RGS18: variants seen among roughly 807,000 people sequenced by gnomAD.
RGS18 encodes regulator of G protein signaling 18.
Under a neutral mutation model 27.6 loss-of-function variants are expected in RGS18, and 22 were observed. The observed-to-expected ratio is 0.80, with a 90% confidence interval of 0.57 to 1.14. RGS18 has a LOEUF of 1.14. RGS18 is among the 50% of genes most tolerant of loss of function. RGS18 has a pLI of 0.00. For missense variants in RGS18, 299 were observed against 269.6 expected (o/e 1.11, Z -0.76); for synonymous variants, 89 against 84.6 (o/e 1.05, Z -0.29).
chr1:192,183,763 G>C (rs561183005), intron 4 of RGS18, among the ~76,000 whole-genome samples: 44 of 151,688 alleles, frequency 2.9e-4, no homozygotes, highest in African/African-American at 1.1e-3. Flanking sequence ...GCCACAGAAA[G>C]AATAATGTTT....
intron 3 of RGS18, among the ~76,000 whole-genome samples, chr1:192,165,593 C>T (rs559709804): frequency 2.3e-4 from 35 of 152,302 alleles, no homozygotes; most frequent in Non-Finnish European, 5.1e-4. Context: ...TGCTCTTTCC[C>T]TTTATTTCTC....
At chr1:192,178,546 A>G (rs1656396829) in intron 3 of RGS18, among the ~76,000 whole-genome samples, 1 of 151,626 alleles carries the variant, frequency 6.6e-6, no homozygotes. Flanking sequence ...GCAATTCTCT[A>G]CCGTGCCTGC....
At chr1:192,177,312 G>A (rs1439355135) in intron 3 of RGS18, among the ~76,000 whole-genome samples, 1 of 148,366 alleles carries the variant, frequency 6.7e-6, no homozygotes, top group African/African-American at 2.5e-5. Context: ...CATATCTCTT[G>A]TAAATATGAT....
Position 192,179,410 on chromosome 1 carries a change from T to C in RGS18, c.284-1882T>C, listed in dbSNP as rs149337899. ...TATTTCCCTTCCCTCAACATTTCTATAGTGCAACTACCATACACCCAAGCA... is the reference window on the plus strand; with the variant it reads ...TATTTCCCTTCCCTCAACATTTCTACAGTGCAACTACCATACACCCAAGCA... On this transcript the variant is annotated intron_variant, in intron 3 of 4. Transcript: ENST00000367460. Among the ~76,000 whole-genome samples the C allele has an allele frequency of 8.2e-4, 124 of 151,740 alleles. 1 individual carries two copies. Among genetic ancestry groups the C allele is most frequent in the African/African-American group, 2.8e-3 (117 of 41,490 alleles).
Position 192,158,483 on chromosome 1 carries a change from C to T in RGS18, c.-155C>T. On this transcript the variant is annotated 5_prime_UTR_variant, in exon 1 of 5. Transcript: ENST00000367460. ...CCTCAGTTCTGCATTTCTGCAGAGACAGAAAGAAACGCAGCTCTTGACTTC... is the reference window on the plus strand; with the variant it reads ...CCTCAGTTCTGCATTTCTGCAGAGATAGAAAGAAACGCAGCTCTTGACTTC... 1.7e-6 allele frequency: 1 copy of T among 594,256 alleles called. No individual in the cohort carries two copies. The highest frequency in any genetic ancestry group is 2.5e-6 in the Non-Finnish European group (1 of 394,906). The allele number at this position is 594,256 out of a possible 1,614,324, so 36.8% of individuals were successfully genotyped here.
intron 3 of RGS18, chr1:192,163,709 C>T (rs940959817): frequency 6.6e-6 from 1 of 151,710 alleles, no homozygotes; most frequent in Non-Finnish European, 1.5e-5. Flanking sequence ...ACTCAATCTC[C>T]CCTAATCCAA....
rs535553976 is a variant in RGS18, at chr1:192,158,893, C to A, written c.119+137C>A. 3.8e-5 allele frequency: 25 copies of A among 656,444 alleles called. No individual in the cohort carries two copies. In the Admixed American group the frequency reaches 6.1e-4, roughly 16 times the overall value. The allele number at this position is 656,444 out of a possible 1,614,324, so 40.7% of individuals were successfully genotyped here. A position where few individuals can be genotyped will look rare whatever the true frequency, so the allele number is the denominator to read the frequency against. Reference sequence around the variant, plus strand: ...TGCTATAATTTGGGAAAAAAAAACACCTTTTTATTTCTTAGGTTTAAACAA... The same window carrying A: ...TGCTATAATTTGGGAAAAAAAAACAACTTTTTATTTCTTAGGTTTAAACAA... On this transcript the variant is annotated intron_variant, in intron 1 of 4. Coordinates refer to ENST00000367460, the MANE Select transcript of RGS18 (RefSeq NM_130782.3).
chr1:192,175,873 A>T (rs1656349855), intron 3 of RGS18, among the ~76,000 whole-genome samples: 1 of 151,928 alleles, frequency 6.6e-6, no homozygotes, highest in Non-Finnish European at 1.5e-5. Flanking sequence ...CAACTAGTTA[A>T]GCAAAGCAAC....
intron 3 of RGS18, chr1:192,160,697 A>T (rs1052325805): frequency 1.6e-4 from 61 of 382,104 alleles, no homozygotes; most frequent in Non-Finnish European, 2.4e-4. Flanking sequence ...CAGTTTTTAA[A>T]TTTTTCCGAT....
At chr1:192,160,219 T>G (rs1322860254) in intron 2 of RGS18, among the ~76,000 whole-genome samples, 159 bp from the exon 3 acceptor site, 5 of 152,224 alleles carry the variant, frequency 3.3e-5, no homozygotes, top group African/African-American at 1.2e-4. Flanking sequence ...GAACAATGTT[T>G]TCAAAGTTTC....
At position 192,160,314 on chromosome 1, in the gene RGS18, T is replaced by C. The variant is rs1656047960; in HGVS notation, c.222-64T>C. 4 of 1,014,374 alleles carry C rather than the reference T, an allele frequency of 3.9e-6. No individual in the cohort carries two copies. In the African/African-American group the frequency reaches 4.7e-5, roughly 12 times the overall value. 62.8% of individuals were successfully genotyped at this position (1,014,374 alleles called of 1,614,324 possible). Reference sequence around the variant, plus strand: ...AAAAGAGCAGTAAAATAGCATATGTTAGAACAGATTCATAAACAGACTTTC... The same window carrying C: ...AAAAGAGCAGTAAAATAGCATATGTCAGAACAGATTCATAAACAGACTTTC... On this transcript the variant is annotated intron_variant, in intron 2 of 4. Coordinates refer to ENST00000367460, the MANE Select transcript of RGS18 (RefSeq NM_130782.3).
At chr1:192,166,630 G>A (rs778233482) in intron 3 of RGS18, among the ~76,000 whole-genome samples, 8 of 152,076 alleles carry the variant, frequency 5.3e-5, no homozygotes, top group Non-Finnish European at 1.0e-4. Context: ...GTGTATGTAT[G>A]TTATTGAGTG....
At chr1:192,163,866 T>TA (rs1369587826) in intron 3 of RGS18, among the ~76,000 whole-genome samples, 1 of 70,604 alleles carries the variant, frequency 1.4e-5, no homozygotes, top group Non-Finnish European at 4.0e-5. Flanking sequence ...AATATATATA[T>TA]ATATTTTTTT....
intron 3 of RGS18, among the ~76,000 whole-genome samples, chr1:192,176,408 C>T (rs1465411845): frequency 2.0e-5 from 3 of 151,594 alleles, no homozygotes; most frequent in African/African-American, 7.3e-5. Flanking sequence ...TAAAAATGCC[C>T]CCAGGTAGAA....
rs1234171866 is a variant in RGS18 at position 192,181,447 on chromosome 1, G to A, written c.439G>A (p.Ala147Thr). The A allele has an allele frequency of 1.9e-6, 3 of 1,546,274 alleles. No homozygotes were observed. The highest frequency in any genetic ancestry group is 2.6e-6 in the Non-Finnish European group (3 of 1,153,830). ...AIYEKFIQTD[A>T]PKEVNLDFHT... The stretch of plus-strand genomic sequence containing the variant: ...ATATGAGAAATTTATACAGACTGAT[G>A]CCCCAAAAGAGGTACAGTAAAGATA... Residue 147 changes from alanine (A) to threonine (T), a missense_variant, in exon 4 of 5, where the codon GCC becomes ACC. Transcript: ENST00000367460.
In RGS18 at chr1:192,184,277, CT is replaced by C. The variant is rs750723344; in HGVS notation, c.451-13del. On this transcript the variant is annotated intron_variant, in intron 4 of 4. Transcript: ENST00000367460. ...TATAAGCATATTAACTATAATCACA[CT>C]TTTTTTCTGTTTATCCAGGTTAACC... 16 of 1,598,280 alleles carry C rather than the reference CT, an allele frequency of 1.0e-5. No homozygotes were observed. Among genetic ancestry groups the C allele is most frequent in the Admixed American group, 6.8e-5 (4 of 59,190 alleles).
chr1:192,178,793 T>A (rs1187997865), intron 3 of RGS18, among the ~76,000 whole-genome samples: 2 of 151,664 alleles, frequency 1.3e-5, no homozygotes, highest in Non-Finnish European at 3.0e-5. Context: ...TTTGAAGTTA[T>A]GATTTTAAAA....
intron 3 of RGS18, chr1:192,169,204 G>C (rs1294629532): frequency 1.3e-5 from 2 of 151,992 alleles, no homozygotes; most frequent in African/African-American, 4.8e-5. Flanking sequence ...TAGAAGTAAT[G>C]GTCATATTCT....
intron 3 of RGS18, among the ~76,000 whole-genome samples, chr1:192,166,077 A>T (rs116333411): frequency 0.012 from 1,777 of 152,322 alleles, 26 homozygotes; most frequent in African/African-American, 0.04. Flanking sequence ...GTTTGAACTT[A>T]TAAAATCAGT....
Sources: gnomAD v4.1 joint callset for allele counts (sites outside exome capture counted in the v4.1 genomes callset) on GRCh38, gnomAD v4.1.1 for gene constraint, MANE v1.5 for transcripts, NCBI Gene and HGNC (gene_info 2026-07-23, HGNC 2026-07-21) for gene names.